The following R3HDM1 variants were observed in gnomAD, a reference collection of about 807,000 sequenced individuals.
R3HDM1 encodes R3H domain containing 1.
A neutral mutation model predicts 141.1 loss-of-function variants in R3HDM1; 46 were observed. The ratio of observed to expected loss-of-function variants is 0.33; its 90% CI spans 0.26 to 0.42. The LOEUF (loss-of-function observed/expected upper bound fraction) is 0.42. Among genes scored for constraint, R3HDM1 ranks in the 10% least tolerant of loss-of-function variants. The probability of loss-of-function intolerance (pLI) is 1.00; values close to 1 mark genes in which losing one functional copy is unlikely to be tolerated. For missense variants in R3HDM1, 1,184 were observed against 1,368.3 expected (o/e 0.87, Z 2.12); for synonymous variants, 435 against 472.9 (o/e 0.92, Z 1.04).
chr2:135,614,529 TAAAAG>T (rs2060839976), intron 3 of R3HDM1, among the ~76,000 whole-genome samples: 1 of 152,182 alleles, frequency 6.6e-6, no homozygotes, highest in Non-Finnish European at 1.5e-5. Flanking sequence ...TTTAGACAGA[TAAAAG>T]TAAACTGAAG....
At chr2:135,612,170 A>C (rs2060612059) in intron 3 of R3HDM1, among the ~76,000 whole-genome samples, 1 of 152,186 alleles carries the variant, frequency 6.6e-6, no homozygotes, top group South Asian at 2.1e-4. Context: ...TTCCAGTAGA[A>C]ATTAGCATCC....
chr2:135,598,815 G>C (rs892663186), intron 1 of R3HDM1, among the ~76,000 whole-genome samples: 1 of 152,088 alleles, frequency 6.6e-6, no homozygotes, highest in Non-Finnish European at 1.5e-5. Flanking sequence ...TAGCTTACCT[G>C]TTCCTGTCAT....
intron 2 of R3HDM1, 133 bp downstream of exon 2, chr2:135,602,841 C>T (rs1272005571): frequency 1.3e-6 from 1 of 745,334 alleles, no homozygotes; most frequent in Non-Finnish European, 2.0e-6. Flanking sequence ...CGGAATGAAC[C>T]AATTAACTTT....
chr2:135,645,148 A>C (rs113119834), intron 15 of R3HDM1: 1 of 338,968 alleles, frequency 3.0e-6, no homozygotes. Flanking sequence ...ACCCCATAAT[A>C]AGAAATGCAG....
At chr2:135,690,416 G>A (rs1351186563) in intron 21 of R3HDM1, among the ~76,000 whole-genome samples, 1 of 152,172 alleles carries the variant, frequency 6.6e-6, no homozygotes, top group African/African-American at 2.4e-5. Flanking sequence ...TTCAAGAGAT[G>A]TGCTGTACAA....
chr2:135,709,920 A>G (rs908411184), intron 22 of R3HDM1, 139 bp from the exon 23 acceptor site: 10 of 849,778 alleles, frequency 1.2e-5, no homozygotes, highest in East Asian at 8.0e-5. Context: ...GTGATGCACT[A>G]GGGCTTCAAC....
intron 1 of R3HDM1, among the ~76,000 whole-genome samples, chr2:135,549,561 C>CAAAAAAAAAAAAA (rs1236257586): frequency 1.5e-5 from 1 of 67,476 alleles, no homozygotes; most frequent in Non-Finnish European, 3.3e-5. Context: ...AACTCTGCCT[C>CAAAAAAAAAAAAA]AAAAAAAAAA....
At chr2:135,630,053 A>G (rs1362272549) in intron 7 of R3HDM1, among the ~76,000 whole-genome samples, 2 of 150,412 alleles carry the variant, frequency 1.3e-5, no homozygotes, top group African/African-American at 2.5e-5. Context: ...AAAAAGGATG[A>G]TTTAAAAAAA....
At chr2:135,622,189 C>T in intron 6 of R3HDM1, 5 of 984,972 alleles carry the variant, frequency 5.1e-6, no homozygotes, top group Non-Finnish European at 6.0e-6. Context: ...ATAGACCTGA[C>T]AAAAATCAAA....
chr2:135,585,068 G>A (rs1707566435), intron 1 of R3HDM1, among the ~76,000 whole-genome samples: 1 of 152,080 alleles, frequency 6.6e-6, no homozygotes, highest in Admixed American at 6.5e-5. Context: ...GAAAGTTCAG[G>A]GTGCAGTAAA....
At chr2:135,676,291 TG>T (rs11347733) in intron 20 of R3HDM1, among the ~76,000 whole-genome samples, 31,677 of 152,160 alleles carry the variant, frequency 0.21, 3,841 homozygotes, top group East Asian at 0.44. Flanking sequence ...CACTCCAGCC[TG>T]GGCAACAGGC....
intron 9 of R3HDM1, 104 bp from the exon 10 acceptor site, chr2:135,635,786 G>A (rs192230509): frequency 5.1e-4 from 713 of 1,391,106 alleles, no homozygotes; most frequent in Middle Eastern, 2.1e-3. Context: ...ACTAAAAAGT[G>A]GTAACTTATT....
At chr2:135,697,211 G>C (rs776964924) in intron 21 of R3HDM1, among the ~76,000 whole-genome samples, 4 of 152,116 alleles carry the variant, frequency 2.6e-5, no homozygotes, top group Non-Finnish European at 1.5e-5. Flanking sequence ...AAACCTTTAT[G>C]CCCAAAACCA....
At chr2:135,675,877 G>A (rs575199816) in intron 20 of R3HDM1, among the ~76,000 whole-genome samples, 109 of 152,302 alleles carry the variant, frequency 7.2e-4, no homozygotes, top group African/African-American at 2.4e-3. Context: ...GGAAAATAGA[G>A]GTTAGTGGTA....
intron 15 of R3HDM1, among the ~76,000 whole-genome samples, chr2:135,643,558 CCTT>C (rs1287123301): frequency 5.9e-5 from 9 of 151,894 alleles, no homozygotes; most frequent in East Asian, 1.9e-4. Context: ...TTATGTAGTC[CCTT>C]CTTGTTTCTT....
At chr2:135,535,533 A>G (rs1695894837) in intron 1 of R3HDM1, among the ~76,000 whole-genome samples, 1 of 150,650 alleles carries the variant, frequency 6.6e-6, no homozygotes, top group African/African-American at 2.5e-5. Flanking sequence ...TAAATAAATA[A>G]ATAAATAAAT....
intron 1 of R3HDM1, among the ~76,000 whole-genome samples, chr2:135,535,142 A>G (rs775400809): frequency 1.3e-5 from 2 of 152,194 alleles, no homozygotes; most frequent in Admixed American, 6.5e-5. Flanking sequence ...CACAGAATCA[A>G]TACTCTGTCT....
chr2:135,682,394 CAAA>C (rs1208859821), intron 21 of R3HDM1, among the ~76,000 whole-genome samples: 1 of 151,962 alleles, frequency 6.6e-6, no homozygotes, highest in Admixed American at 6.6e-5. Context: ...TCCCTTGAAA[CAAA>C]AAAGATTTTG....
rs1189983606 is a variant in R3HDM1, at chr2:135,601,946, G to GC, written c.-249-552dup. ...CAAAGTGCTGGGATTATAGGCACAA[G>GC]CCACTGCACCCAGCCAACTTTTTTT... On this transcript the variant is annotated intron_variant, in intron 1 of 26. Transcript: ENST00000683871. 4.8e-5 allele frequency among the ~76,000 whole-genome samples: 7 copies of GC among 146,772 alleles called. No individual in the cohort carries two copies. The East Asian group carries it at 9.9e-4, about 21-fold the overall frequency.
Sources: allele counts gnomAD v4.1 joint callset (sites outside exome capture counted in the v4.1 genomes callset), GRCh38; gene constraint gnomAD v4.1.1; transcripts MANE v1.5; gene names NCBI Gene and HGNC (gene_info 2026-07-23, HGNC 2026-07-21).